FRMD4A: variants seen among roughly 807,000 people sequenced by gnomAD.
FRMD4A encodes FERM domain containing 4A.
A neutral mutation model predicts 129.1 loss-of-function variants in FRMD4A; 29 were observed. That is an observed-to-expected ratio of 0.22 (90% CI 0.17 to 0.31). The LOEUF (loss-of-function observed/expected upper bound fraction) is 0.31, where lower values mean the gene tolerates loss of function less well. Among genes scored for constraint, FRMD4A ranks in the 10% least tolerant of loss-of-function variants. The pLI is 1.00. For synonymous variants in FRMD4A, 634 were observed against 571.6 expected (o/e 1.11, Z -1.56); for missense variants, 1,272 against 1,375.8 (o/e 0.92, Z 1.19).
chr10:13,696,451 C>T (rs942821550), intron 14 of FRMD4A, among the ~76,000 whole-genome samples: 7 of 152,176 alleles, frequency 4.6e-5, no homozygotes, highest in African/African-American at 1.7e-4. Context: ...GTCAGAATGA[C>T]CTGAATTAGA....
At chr10:13,908,761 C>T (rs1158866948) in intron 2 of FRMD4A, among the ~76,000 whole-genome samples, 1 of 152,198 alleles carries the variant, frequency 6.6e-6, no homozygotes, top group African/African-American at 2.4e-5. Context: ...CATGTTTTTA[C>T]TCAGTTATCA....
chr10:14,301,585 T>G (rs1299766149), intron 2 of FRMD4A, among the ~76,000 whole-genome samples: 1 of 152,252 alleles, frequency 6.6e-6, no homozygotes, highest in Admixed American at 6.5e-5. Context: ...ATATTGGCCA[T>G]TACAAGAAAC....
chr10:14,329,384 C>T (rs1041374777), intron 2 of FRMD4A, among the ~76,000 whole-genome samples: 1 of 152,152 alleles, frequency 6.6e-6, no homozygotes, highest in East Asian at 1.9e-4. Flanking sequence ...AGACAGTGCC[C>T]ATGTCCTTGT....
intron 2 of FRMD4A, among the ~76,000 whole-genome samples, chr10:13,912,998 G>A (rs10906539): frequency 0.96 from 145,447 of 151,412 alleles, 70,119 homozygotes; most frequent in East Asian, 1. Flanking sequence ...TCTTGAACTC[G>A]GGAGGCAGAG....
intron 2 of FRMD4A, among the ~76,000 whole-genome samples, chr10:13,990,882 C>G (rs770465016): frequency 6.6e-6 from 1 of 152,120 alleles, no homozygotes; most frequent in Non-Finnish European, 1.5e-5. Flanking sequence ...CAATCAGATA[C>G]GAGATTCCAG....
chr10:13,671,342 T>A (rs1250128366), intron 16 of FRMD4A, among the ~76,000 whole-genome samples: 1 of 152,082 alleles, frequency 6.6e-6, no homozygotes, highest in African/African-American at 2.4e-5. Context: ...TAATCCCAGC[T>A]ACTTGGGAAG....
intron 5 of FRMD4A, among the ~76,000 whole-genome samples, chr10:13,784,242 G>C (rs10796127): frequency 6.6e-6 from 1 of 151,968 alleles, no homozygotes; most frequent in Admixed American, 6.5e-5. Flanking sequence ...GGGAGTCAGA[G>C]AGCAGTGATG....
At chr10:14,225,284 A>G (rs1188038929) in intron 2 of FRMD4A, among the ~76,000 whole-genome samples, 2 of 152,112 alleles carry the variant, frequency 1.3e-5, no homozygotes, top group Non-Finnish European at 1.5e-5. Flanking sequence ...CTCAATCCCA[A>G]CCCCGTAGCC....
intron 2 of FRMD4A, among the ~76,000 whole-genome samples, chr10:14,167,836 G>C (rs1173890013): frequency 6.6e-6 from 1 of 152,110 alleles, no homozygotes; most frequent in African/African-American, 2.4e-5. Flanking sequence ...AGAGCGCGCT[G>C]TAAGATTTGG....
At chr10:14,044,177 C>A (rs1438640362) in intron 2 of FRMD4A, among the ~76,000 whole-genome samples, 2 of 152,194 alleles carry the variant, frequency 1.3e-5, no homozygotes, top group Non-Finnish European at 2.9e-5. Flanking sequence ...AATCAGTTGT[C>A]CAACCCAGTT....
At chr10:14,180,519 C>G (rs965095930) in intron 2 of FRMD4A, among the ~76,000 whole-genome samples, 1 of 152,186 alleles carries the variant, frequency 6.6e-6, no homozygotes, top group Admixed American at 6.5e-5. Flanking sequence ...TACAGACTTA[C>G]GAGCAAGCCA....
At chr10:13,813,338 G>A (rs1196236996) in intron 3 of FRMD4A, among the ~76,000 whole-genome samples, 1 of 152,168 alleles carries the variant, frequency 6.6e-6, no homozygotes, top group Non-Finnish European at 1.5e-5. Context: ...CCAGCTACTC[G>A]GGAGGCTGAG....
At position 13,656,869 on chromosome 10, in the gene FRMD4A, G is replaced by T; in HGVS notation, c.2720C>A (p.Pro907Gln). 1.3e-6 allele frequency: 2 copies of T among 1,482,586 alleles called. No individual in the cohort carries two copies. Among genetic ancestry groups the T allele is most frequent in the Non-Finnish European group, 1.8e-6 (2 of 1,120,966 alleles). The allele number at this position is 1,482,586 out of a possible 1,614,324, so 91.8% of individuals were successfully genotyped here. ...GTGGGCGCCCTCGCGGCCCAGCGAC[G>T]GAGTCCGCAGGATCTGCGATCGCGA... ...TPSRSQILRT[P>Q]SLGREGAHDK... The change falls in exon 22 of 25, where the codon CCG becomes CAG. Residue 907 changes from proline to glutamine, a missense_variant. By Grantham distance (76) the Pro-to-Gln change is moderately conservative (BLOSUM62 -1). Around this residue, in one of 2 missense-constraint regions of FRMD4A, gnomAD observed 972 missense variants for 892.3 expected, o/e 1.09. Coordinates refer to ENST00000357447, the MANE Select transcript of FRMD4A (RefSeq NM_018027.5).
At chr10:13,675,760 T>C (rs1440365399) in intron 15 of FRMD4A, 9 of 152,140 alleles carry the variant, frequency 5.9e-5, no homozygotes, top group Admixed American at 3.3e-4. Context: ...TTTTGCTTAG[T>C]GCAAAGATAA....
intron 12 of FRMD4A, among the ~76,000 whole-genome samples, chr10:13,723,181 A>G (rs1486150035): frequency 6.8e-6 from 1 of 146,956 alleles, no homozygotes; most frequent in East Asian, 2.0e-4. Context: ...TAGGTCTCCA[A>G]GCTGGTTAGC....
chr10:13,891,036 G>A (rs890903984), intron 2 of FRMD4A, among the ~76,000 whole-genome samples: 4 of 152,060 alleles, frequency 2.6e-5, no homozygotes, highest in African/African-American at 9.7e-5. Flanking sequence ...ACCAACATTT[G>A]AGCAGCTGCC....
At position 13,976,379 on chromosome 10, in the gene FRMD4A, T is replaced by C. The variant is rs189591816; in HGVS notation, c.46-117467A>G. 2.5e-4 allele frequency among the ~76,000 whole-genome samples: 38 copies of C among 151,680 alleles called. 1 individual carries two copies. The East Asian group carries it at 6.8e-3, about 27-fold the overall frequency. The stretch of plus-strand genomic sequence containing the variant: ...CCCAAAGACAGGACAGAAGAGGAGG[T>C]GGGACCTTGGCATGGCAGGGAAGAC... On this transcript the variant is annotated intron_variant, in intron 2 of 24. Transcript: ENST00000357447.
At position 13,900,896 on chromosome 10, in the gene FRMD4A, CTAAAATAAAATAAAA is replaced by C. The variant is rs71848496; in HGVS notation, c.46-41999_46-41985del. Among the ~76,000 whole-genome samples, 16 of 152,038 alleles carry C rather than the reference CTAAAATAAAATAAAA, an allele frequency of 1.1e-4. No individual in the cohort carries two copies. In the East Asian group the frequency reaches 1.9e-3, roughly 18 times the overall value. On this transcript the variant is annotated intron_variant, in intron 2 of 24. Transcript: ENST00000357447. ...TGGGCGACAGAGCGAGATTCCGTCT[CTAAAATAAAATAAAA>C]TAAAATAAAATAAGAAGGTTAAAAC...
intron 2 of FRMD4A, among the ~76,000 whole-genome samples, chr10:14,056,692 T>C (rs1222924451): frequency 1.3e-5 from 2 of 152,204 alleles, no homozygotes; most frequent in African/African-American, 4.8e-5. Flanking sequence ...CTTTCTAAAC[T>C]GCTGCACACT....
Sources: gnomAD v4.1 joint callset for allele counts (sites outside exome capture counted in the v4.1 genomes callset) on GRCh38, gnomAD v4.1.1 for gene constraint, gnomAD v4.1.1 regional missense constraint, MANE v1.5 for transcripts, NCBI Gene and HGNC (gene_info 2026-07-23, HGNC 2026-07-21) for gene names.